Variants in PSMC3 observed in about 807,000 individuals in gnomAD.
PSMC3 encodes 26S proteasome regulatory subunit 6A.
In PSMC3, 11 loss-of-function variants were observed where a neutral mutation model predicts 52.0. The ratio of observed to expected loss-of-function variants is 0.21; its 90% CI spans 0.13 to 0.35. The LOEUF is 0.35. Among genes scored for constraint, PSMC3 ranks in the 10% least tolerant of loss-of-function variants. The pLI, the probability that PSMC3 is intolerant of heterozygous loss-of-function variation, is 1.00. For missense variants in PSMC3, 238 were observed against 567.1 expected (o/e 0.42, Z 5.89); for synonymous variants, 201 against 218.8 (o/e 0.92, Z 0.72).
chr11:47,420,570 G>A (rs2096039282), intron 9 of PSMC3, 61 bp downstream of exon 9: 1 of 1,513,764 alleles, frequency 6.6e-7, no homozygotes, highest in Admixed American at 2.0e-5. Context: ...GGCTAGCTGG[G>A]GGCCTGACAG....
In PSMC3 at chr11:47,420,424, C is replaced by T; in HGVS notation, c.982-15G>A. On this transcript the variant is annotated splice_polypyrimidine_tract_variant and intron_variant, in intron 9 of 11. Transcript: ENST00000298852. ...GCTGCAATTACCTGAGGAAGAGAAG[C>T]CACAACTTGAAAGGAGCAAGGTGTT... 2 of 1,606,036 alleles carry T rather than the reference C, an allele frequency of 1.2e-6. No individual in the cohort carries two copies. The highest frequency in any genetic ancestry group is 1.7e-6 in the Non-Finnish European group (2 of 1,175,332).
chr11:47,423,333 G>A (rs2096042891), intron 6 of PSMC3, among the ~76,000 whole-genome samples: 3 of 151,828 alleles, frequency 2.0e-5, no homozygotes, highest in South Asian at 2.1e-4. Context: ...CCCGGGACGC[G>A]GAGCTCGTAG....
Position 47,418,816 on chromosome 11 carries a change from T to G in PSMC3, c.*19A>C. On this transcript the variant is annotated 3_prime_UTR_variant, in exon 12 of 12. Transcript: ENST00000298852. ...TTATTGCGCACTTCAGCCGTGAGAC[T>G]GGGGCTGGCCTGTGTGCCCTAGGCG... 6.2e-7 allele frequency: 1 copy of G among 1,602,000 alleles called. No homozygotes were observed.
intron 10 of PSMC3, 121 bp from the exon 11 acceptor site, chr11:47,419,318 C>CCCTT (rs1246476766): frequency 1.0e-5 from 10 of 984,672 alleles, no homozygotes; most frequent in Middle Eastern, 4.2e-4. Context: ...AGAGGCAAGT[C>CCCTT]CCTTACTCAA....
Position 47,422,821 on chromosome 11 carries a change from A to G in PSMC3, c.735+9T>C. On this transcript the variant is annotated intron_variant, in intron 7 of 11. Coordinates refer to ENST00000298852, the MANE Select transcript of PSMC3 (RefSeq NM_002804.5). The surrounding 1 kb of genome is among the most constrained non-coding windows in gnomAD (Gnocchi z 4.3). ...CCCACTTCCCCCGCATCCCTCCCAA[A>G]GTACTCACCTTAGTCTGTGCGGCAC... is the stretch of plus-strand genomic sequence containing the variant. 1 of 1,603,720 alleles carries G rather than the reference A, an allele frequency of 6.2e-7. No individual in the cohort carries two copies. The highest frequency in any genetic ancestry group is 2.2e-5 in the East Asian group (1 of 44,602).
chr11:47,423,154 C>T (rs2096042665), intron 6 of PSMC3, among the ~76,000 whole-genome samples, 181 bp from the exon 7 acceptor site: 1 of 152,200 alleles, frequency 6.6e-6, no homozygotes, highest in African/African-American at 2.4e-5. Flanking sequence ...AATCCTAGCA[C>T]TTTGGGAGGC....
At chr11:47,420,790 C>G in intron 8 of PSMC3, 63 bp from the exon 9 acceptor site, 1 of 1,461,608 alleles carries the variant, frequency 6.8e-7, no homozygotes, top group East Asian at 2.5e-5. Flanking sequence ...CTCCCCTCCT[C>G]TACCCCCTGG....
In PSMC3 at chr11:47,425,951, C is replaced by A. The variant is rs1175953716; in HGVS notation, c.76-1G>T. The A allele has an allele frequency of 6.2e-7, 1 of 1,611,768 alleles. No homozygotes were observed. Among genetic ancestry groups the A allele is most frequent in the South Asian group, 1.1e-5 (1 of 90,980 alleles). ...GCACCTCCTCCCCAATTCCATCTTG[C>A]TGTAAAAAATTATTTGTTTATTTAT... is the stretch of plus-strand genomic sequence containing the variant. On this transcript the variant is annotated splice_acceptor_variant, in intron 1 of 11. Transcript: ENST00000298852. LOFTEE classifies it high-confidence loss of function.
At chr11:47,423,938 C>A (rs781411788) in intron 6 of PSMC3, 108 bp downstream of exon 6, 8 of 1,492,184 alleles carry the variant, frequency 5.4e-6, no homozygotes, top group African/African-American at 1.4e-5. Flanking sequence ...CCCTTCCTCC[C>A]TAGGTTGCTA....
chr11:47,419,816 G>A (rs956889421), intron 10 of PSMC3, among the ~76,000 whole-genome samples: 12 of 151,406 alleles, frequency 7.9e-5, no homozygotes, highest in Admixed American at 2.0e-4. Flanking sequence ...CCGAGATCGC[G>A]CCACTGTACT....
rs1490933707 is a variant in PSMC3 at position 47,422,639 on chromosome 11, G to A, written c.819C>T (p.Ala273=). ...TAGAGGGCGCTTTCTCCTTGGCCAG[G>A]GCAAAGGCATCCCGGACTAGCTTGG... ...DGAKLVRDAF[A]LAKEKAPSII... The change falls in exon 8 of 12, where the codon GCC becomes GCT. Residue 273 remains alanine, a synonymous_variant. Transcript: ENST00000298852. This position sits in a 1 kb window ranked among gnomAD's most constrained non-coding sequence, Gnocchi z 4.3. 1 of 1,614,146 alleles carries A rather than the reference G, an allele frequency of 6.2e-7. No individual in the cohort carries two copies. The highest frequency in any genetic ancestry group is 8.5e-7 in the Non-Finnish European group (1 of 1,180,028).
Position 47,422,857 on chromosome 11 carries a change from C to G in PSMC3, c.708G>C (p.Leu236=). ...TAGTCTGTGCGGCACAGGCCCGGGC[C>G]AGGAGGGTCTTCCCCGTCCCTGGGG... ...YGPPGTGKTL[L]ARACAAQTKA... is the part of the protein sequence containing the mutation. The change falls in exon 7 of 12, where the codon CTG becomes CTC. Residue 236 remains leucine (L), a synonymous_variant. Transcript: ENST00000298852. This position sits in a 1 kb window ranked among gnomAD's most constrained non-coding sequence, Gnocchi z 4.3. 6.2e-7 allele frequency: 1 copy of G among 1,612,750 alleles called. No individual in the cohort carries two copies. The highest frequency in any genetic ancestry group is 8.5e-7 in the Non-Finnish European group (1 of 1,179,210).
At chr11:47,425,443 T>C (rs1311788723) in intron 2 of PSMC3, 197 bp from the exon 3 acceptor site, 1 of 638,904 alleles carries the variant, frequency 1.6e-6, no homozygotes, top group African/African-American at 1.8e-5. Context: ...GGAAACCTCC[T>C]GGTGAAATAG....
chr11:47,420,327 G>A lies in PSMC3; in HGVS notation c.1064C>T (p.Pro355Leu), dbSNP rs778892792. Residue 355 changes from proline to leucine, a missense_variant, in exon 10 of 12, where the codon CCG becomes CTG. Pro to Leu is a moderately conservative substitution (Grantham distance 98). Coordinates refer to ENST00000298852, the MANE Select transcript of PSMC3 (RefSeq NM_002804.5). ...GGCCCGGGCCTCCTCATTGGGCATCGGGAACTCTATCTTGCGGTCAAGGCG... is the reference window on the plus strand; with the variant it reads ...GGCCCGGGCCTCCTCATTGGGCATCAGGAACTCTATCTTGCGGTCAAGGCG... ...SGRLDRKIEF[P>L]MPNEEARARI... is the part of the protein sequence containing the mutation. The A allele has an allele frequency of 4.3e-5, 69 of 1,614,084 alleles. No individual in the cohort carries two copies. The highest frequency in any genetic ancestry group is 5.0e-5 in the Admixed American group (3 of 60,002).
At position 47,426,262 on chromosome 11, in the gene PSMC3, A is replaced by C; in HGVS notation, c.18T>G (p.Asn6Lys). Residue 6 changes from asparagine (N) to lysine (K), a missense_variant, in exon 1 of 12, where the codon AAT (asparagine) becomes AAG (lysine). Asn to Lys is a moderately conservative substitution (Grantham distance 94). Coordinates refer to ENST00000298852, the MANE Select transcript of PSMC3 (RefSeq NM_002804.5). MNLLP[N>K]IESPVTRQEK... ...CCTGCCGAGTCACTGGACTCTCAAT[A>C]TTCGGCAGCAGATTCATTTCCTGGA... The C allele has an allele frequency of 6.4e-7, 1 of 1,555,048 alleles. No individual in the cohort carries two copies. The highest frequency in any genetic ancestry group is 8.7e-7 in the Non-Finnish European group (1 of 1,149,026).
In PSMC3 at chr11:47,420,216, C is replaced by T. The variant is rs878993344; in HGVS notation, c.1127+48G>A. On this transcript the variant is annotated intron_variant, in intron 10 of 11. Transcript: ENST00000298852. ...TACAGAGAAGCATGGCAGAGACATC[C>T]TCCTGCGCCTGTTCAGGTCTCTGTG... 7 of 1,598,272 alleles carry T rather than the reference C, an allele frequency of 4.4e-6. No individual in the cohort carries two copies. In the South Asian group the frequency reaches 6.6e-5, roughly 15 times the overall value.
At chr11:47,425,622 C>G (rs1381503023) in intron 2 of PSMC3, 1 of 551,706 alleles carries the variant, frequency 1.8e-6, no homozygotes, top group Admixed American at 3.4e-5. Flanking sequence ...GAGGATTATT[C>G]CCAGTTCTCA....
Position 47,422,842 on chromosome 11 carries a change from G to A in PSMC3, c.723C>T (p.Ala241=), listed in dbSNP as rs148054958. The A allele has an allele frequency of 3.8e-4, 615 of 1,611,312 alleles. 2 individuals are homozygous for A. In the African/African-American group the frequency reaches 6.1e-3, roughly 16 times the overall value. ...CCAAAGTACTCACCTTAGTCTGTGC[G>A]GCACAGGCCCGGGCCAGGAGGGTCT... ...TGKTLLARAC[A]AQTKATFLKL... The change falls in exon 7 of 12, where the codon GCC becomes GCT. Residue 241 remains alanine (A), a synonymous_variant. Coordinates refer to ENST00000298852, the MANE Select transcript of PSMC3 (RefSeq NM_002804.5). This position sits in a 1 kb window ranked among gnomAD's most constrained non-coding sequence, Gnocchi z 4.3.
At chr11:47,423,580 A>G (rs1441803407) in intron 6 of PSMC3, among the ~76,000 whole-genome samples, 1 of 152,108 alleles carries the variant, frequency 6.6e-6, no homozygotes, top group African/African-American at 2.4e-5. Context: ...TGAGGTTGGG[A>G]GTTCGAGACC....
Sources: allele counts gnomAD v4.1 joint callset (sites outside exome capture counted in the v4.1 genomes callset), GRCh38; gene constraint gnomAD v4.1.1; non-coding constraint Gnocchi (gnomAD v3.1); transcripts MANE v1.5; gene names NCBI Gene and HGNC (gene_info 2026-07-23, HGNC 2026-07-21).